Variants in ORC6 observed in about 807,000 individuals in gnomAD.
ORC6 encodes the protein origin recognition complex, subunit 6 homolog-like (yeast).
In ORC6, 31 loss-of-function variants were observed where a neutral mutation model predicts 30.0. That is an observed-to-expected ratio of 1.03 (90% CI 0.78 to 1.40). The LOEUF (loss-of-function observed/expected upper bound fraction) is 1.40. ORC6 is among the 40% of genes most tolerant of loss of function. ORC6 has a pLI of 0.00. For missense variants in ORC6, 340 were observed against 304.3 expected, an observed-to-expected ratio of 1.12 and a Z score of -0.87; for synonymous variants, 136 against 111.2, an observed-to-expected ratio of 1.22 and a Z score of -1.40.
chr16:46,694,543 A>G (rs1596735880), intron 4 of ORC6: 1 of 101,206 alleles, frequency 9.9e-6, no homozygotes, highest in Non-Finnish European at 2.0e-5. Context: ...CGGGGGGCTG[A>G]CCCCCCCACC....
rs786205258 is a variant in ORC6, at chr16:46,692,440, CTTT to C, written c.256_258del (p.Phe86del). ...GAGACATATCAGAGCTGTCTTAAAT[CTTT>C]TGAGTGTTTACTGGGCCTGAATTCA... is the stretch of plus-strand genomic sequence containing the variant. On this transcript the variant is annotated inframe_deletion, in exon 3 of 7. Transcript: ENST00000219097. 1 of 1,613,604 alleles carries C rather than the reference CTTT, an allele frequency of 6.2e-7. No individual in the cohort carries two copies. The highest frequency in any genetic ancestry group is 8.5e-7 in the Non-Finnish European group (1 of 1,179,628).
At chr16:46,691,225 C>T in intron 2 of ORC6, 105 bp downstream of exon 2, 2 of 1,040,804 alleles carry the variant, frequency 1.9e-6, no homozygotes, top group Admixed American at 1.9e-5. Flanking sequence ...TTAGAATTGT[C>T]CTGGGTATTC....
chr16:46,691,012 C>T lies in ORC6; in HGVS notation c.87C>T (p.Arg29=). Residue 29 remains arginine (R), a synonymous_variant, in exon 2 of 7, where the codon CGC becomes CGT. Coordinates refer to ENST00000219097, the MANE Select transcript of ORC6 (RefSeq NM_014321.4). ...CCAGGAAAGCAGAGGAGTACTTGCGCCTGTCCCGGGTGAAGTGTGTCGGCC... is the reference window on the plus strand; with the variant it reads ...CCAGGAAAGCAGAGGAGTACTTGCGTCTGTCCCGGGTGAAGTGTGTCGGCC... ...DMLRKAEEYL[R]LSRVKCVGLS... 6.2e-7 allele frequency: 1 copy of T among 1,614,216 alleles called. No individual in the cohort carries two copies. Among genetic ancestry groups the T allele is most frequent in the Non-Finnish European group, 8.5e-7 (1 of 1,180,030 alleles).
chr16:46,693,438 C>A (rs1966472737), intron 4 of ORC6: 3 of 543,854 alleles, frequency 5.5e-6, no homozygotes, highest in Non-Finnish European at 9.9e-6. Flanking sequence ...TTCAGTCTGC[C>A]TTTTGTAAGA....
At position 46,689,732 on chromosome 16, in the gene ORC6, A is replaced by C; in HGVS notation, c.27A>C (p.Leu9=). 10 of 1,602,522 alleles carry C rather than the reference A, an allele frequency of 6.2e-6. No individual in the cohort carries two copies. The highest frequency in any genetic ancestry group is 8.5e-6 in the Non-Finnish European group (10 of 1,174,930). MGSELIGR[L]APRLGLAEPD... ...TGGGGTCGGAGCTGATCGGGCGCCT[A>C]GCCCCGCGCCTGGGCCTCGCCGAGC... The change falls in exon 1 of 7, where the codon CTA becomes CTC. Residue 9 remains leucine (L), a synonymous_variant. Coordinates refer to ENST00000219097, the MANE Select transcript of ORC6 (RefSeq NM_014321.4).
Position 46,693,127 on chromosome 16 carries a change from G to T in ORC6, c.394G>T (p.Asp132Tyr). The T allele has an allele frequency of 6.2e-7, 1 of 1,613,034 alleles. No homozygotes were observed. The highest frequency in any genetic ancestry group is 1.3e-5 in the African/African-American group (1 of 75,012). Residue 132 changes from aspartate (D) to tyrosine (Y), a missense_variant, in exon 4 of 7, where the codon GAT becomes TAT. Coordinates refer to ENST00000219097, the MANE Select transcript of ORC6 (RefSeq NM_014321.4). ...CAGTCTTCCCCAGACACAGCAAGTG[G>T]ATCTTGACTTATCCAGGCCACTTTT... ...ESSLPQTQQV[D>Y]LDLSRPLFTS...
intron 4 of ORC6, chr16:46,694,478 CGGGCGG>C (rs1966493631): frequency 1.4e-5 from 2 of 143,300 alleles, no homozygotes; most frequent in African/African-American, 5.1e-5. Flanking sequence ...GGCGGCTGGC[CGGGCGG>C]GGGGGCTGAC....
rs574981784 is a variant in ORC6, at chr16:46,691,117, C to A, written c.192C>A (p.Asp64Glu). 17 of 1,614,072 alleles carry A rather than the reference C, an allele frequency of 1.1e-5. No individual in the cohort carries two copies. In the South Asian group the frequency reaches 1.4e-4, roughly 14 times the overall value. Residue 64 changes from aspartate (D) to glutamate (E), a missense_variant, in exon 2 of 7, where the codon GAC becomes GAA. Coordinates refer to ENST00000219097, the MANE Select transcript of ORC6 (RefSeq NM_014321.4). The part of the protein sequence containing the change: ...LAASWMKCPL[D>E]RAYLIKLSGL... ...CTTCCTGGATGAAGTGCCCCTTGGACAGGGTAAGTAGGTCCCACCGAATGT... is the reference window on the plus strand; with the variant it reads ...CTTCCTGGATGAAGTGCCCCTTGGAAAGGGTAAGTAGGTCCCACCGAATGT...
intron 4 of ORC6, 188 bp from the exon 5 acceptor site, chr16:46,695,373 AT>A: frequency 1.7e-6 from 1 of 594,312 alleles, no homozygotes. Flanking sequence ...TCCCATGTGC[AT>A]TTTAACTCTC....
intron 6 of ORC6, among the ~76,000 whole-genome samples, chr16:46,696,943 C>G (rs539701268): frequency 5.3e-5 from 8 of 152,352 alleles, no homozygotes; most frequent in Admixed American, 2.6e-4. Flanking sequence ...GCATGAGCCA[C>G]TATGCCCAAC....
At chr16:46,694,752 T>A (rs1966501251) in intron 4 of ORC6, among the ~76,000 whole-genome samples, 1 of 152,192 alleles carries the variant, frequency 6.6e-6, no homozygotes, top group Admixed American at 6.5e-5. Flanking sequence ...ATCTTACAAT[T>A]GTGGGTTATC....
chr16:46,697,378 A>G (rs146791906), intron 6 of ORC6, 80 bp from the exon 7 acceptor site: 6 of 1,298,726 alleles, frequency 4.6e-6, no homozygotes, highest in African/African-American at 3.0e-5. Context: ...TATTTTAGAC[A>G]ATTTAAACAA....
chr16:46,697,443 A>T lies in ORC6; in HGVS notation c.632-15A>T. The T allele has an allele frequency of 6.2e-7, 1 of 1,608,870 alleles. No homozygotes were observed. The highest frequency in any genetic ancestry group is 1.1e-5 in the South Asian group (1 of 90,432). ...GCTAAGAATTTTGAAATTGCTTTTG[A>T]TAATTTTCTGTCAGAAATGGAGAAG... On this transcript the variant is annotated splice_polypyrimidine_tract_variant and intron_variant, in intron 6 of 6. Transcript: ENST00000219097.
At chr16:46,691,143 CT>C (rs765275029) in intron 2 of ORC6, 23 bp downstream of exon 2, 11 of 1,612,754 alleles carry the variant, frequency 6.8e-6, no homozygotes, top group Non-Finnish European at 9.3e-6. Context: ...CACCGAATGT[CT>C]GAATAATCCA....
chr16:46,690,404 GAGGGAAGGCA>G (rs1446796380), intron 1 of ORC6, among the ~76,000 whole-genome samples: 2 of 152,232 alleles, frequency 1.3e-5, no homozygotes, highest in East Asian at 3.8e-4. Context: ...GCAGTCAGGC[GAGGGAAGGCA>G]AGGAAAACAG....
chr16:46,691,345 G>C (rs1402529835), intron 2 of ORC6, among the ~76,000 whole-genome samples: 2 of 152,166 alleles, frequency 1.3e-5, no homozygotes, highest in African/African-American at 4.8e-5. Flanking sequence ...TTCTCGGCTA[G>C]AGGCCATCTT....
rs765437962 is a variant in ORC6 at position 46,692,552 on chromosome 16, G to A, written c.359+7G>A. The A allele has an allele frequency of 1.9e-6, 3 of 1,611,170 alleles. No homozygotes were observed. The African/African-American group carries it at 4.0e-5, about 22-fold the overall frequency. On this transcript the variant is annotated splice_region_variant and intron_variant, in intron 3 of 6. Transcript: ENST00000219097. ...CTTCAAAGATACTAAAAAGGTATGG[G>A]GCATAGAGAACCTTAATTGAAAATG... is the stretch of plus-strand genomic sequence containing the variant.
chr16:46,692,020 CTTCCTT>C (rs1435502391), intron 2 of ORC6, among the ~76,000 whole-genome samples: 1 of 148,280 alleles, frequency 6.7e-6, no homozygotes, highest in Non-Finnish European at 1.5e-5. Flanking sequence ...TACTTCTCTC[CTTCCTT>C]TTCCCAATAA....
intron 1 of ORC6, chr16:46,690,757 T>A: frequency 1.7e-6 from 1 of 574,778 alleles, no homozygotes; most frequent in Non-Finnish European, 3.2e-6. Context: ...GGTAATTTTT[T>A]TGTCAAAATT....
Sources: gnomAD v4.1 joint callset for allele counts (sites outside exome capture counted in the v4.1 genomes callset) on GRCh38, gnomAD v4.1.1 for gene constraint, MANE v1.5 for transcripts, NCBI Gene and HGNC (gene_info 2026-07-23, HGNC 2026-07-21) for gene names.